Variants in CUX1 observed in about 807,000 individuals in gnomAD.
CUX1 encodes protein CASP.
CUX1 carries 31 observed loss-of-function variants against 158.8 expected under a neutral mutation model. The ratio of observed to expected loss-of-function variants is 0.20; its 90% CI spans 0.15 to 0.26. The LOEUF is 0.26. Ranked by LOEUF, CUX1 falls within the 10% of genes least tolerant of loss-of-function variation. The probability of loss-of-function intolerance (pLI) is 1.00; values close to 1 mark genes in which losing one functional copy is unlikely to be tolerated. For missense variants in CUX1, 1,589 were observed against 2,014.6 expected, an observed-to-expected ratio of 0.79 and a Z score of 4.04; for synonymous variants, 879 against 862.1, an observed-to-expected ratio of 1.02 and a Z score of -0.34.
intron 17 of CUX1, among the ~76,000 whole-genome samples, chr7:102,277,753 C>T (rs1791708593): frequency 6.6e-6 from 1 of 152,174 alleles, no homozygotes; most frequent in Non-Finnish European, 1.5e-5. Context: ...CAACGTGATA[C>T]ATATGAAGAA....
At chr7:101,974,791 G>A (rs192174072) in intron 2 of CUX1, among the ~76,000 whole-genome samples, 22 of 152,244 alleles carry the variant, frequency 1.4e-4, no homozygotes, top group African/African-American at 4.6e-4. Flanking sequence ...TTATTTGTGC[G>A]TTGTATGTAT....
intron 2 of CUX1, among the ~76,000 whole-genome samples, chr7:102,018,190 G>GCCTCAAGCAATCCTCCTGT (rs942963527): frequency 1.3e-5 from 2 of 152,080 alleles, no homozygotes; most frequent in Non-Finnish European, 2.9e-5. Flanking sequence ...TGAACTCCTG[G>GCCTCAAGCAATCCTCCTGT]CCTCAAGCAA....
intron 8 of CUX1, among the ~76,000 whole-genome samples, chr7:102,148,196 A>C (rs532728924): frequency 1.3e-5 from 2 of 152,250 alleles, no homozygotes; most frequent in South Asian, 4.1e-4. Flanking sequence ...AGGAGGGCTG[A>C]GACCCAGGCC....
intron 1 of CUX1, among the ~76,000 whole-genome samples, chr7:101,820,556 T>G (rs573319424): frequency 1.0e-3 from 158 of 152,322 alleles, no homozygotes; most frequent in African/African-American, 3.6e-3. Context: ...CTTTAAAAAA[T>G]GTAATTGCTC....
intron 3 of CUX1, among the ~76,000 whole-genome samples, chr7:102,064,741 G>A (rs1240512003): frequency 6.6e-6 from 1 of 152,134 alleles, no homozygotes; most frequent in African/African-American, 2.4e-5. Flanking sequence ...CCCTTGCCAG[G>A]GTAGGTCAGT....
intron 3 of CUX1, among the ~76,000 whole-genome samples, chr7:102,062,365 G>T (rs1824986498): frequency 1.3e-5 from 2 of 152,098 alleles, no homozygotes; most frequent in Non-Finnish European, 2.9e-5. Flanking sequence ...GCACTCACAT[G>T]GTTGGGCACT....
chr7:102,080,388 A>G (rs1384303153), intron 4 of CUX1, among the ~76,000 whole-genome samples: 1 of 152,006 alleles, frequency 6.6e-6, no homozygotes, highest in Non-Finnish European at 1.5e-5. Context: ...ATTCCAGTTG[A>G]TTTTCTTAAT....
chr7:102,120,120 TGCA>T (rs1831877679), intron 8 of CUX1, among the ~76,000 whole-genome samples: 1 of 152,222 alleles, frequency 6.6e-6, no homozygotes, highest in African/African-American at 2.4e-5. Context: ...ATCCGTCTCC[TGCA>T]GCTGTTCACT....
At chr7:102,208,728 G>T (rs1190038521) in intron 20 of CUX1, among the ~76,000 whole-genome samples, 2 of 152,160 alleles carry the variant, frequency 1.3e-5, no homozygotes, top group Admixed American at 6.5e-5. Context: ...CCGATTCCCT[G>T]TTCTTCCCAT....
chr7:102,068,531 G>A (rs1412264799), intron 3 of CUX1, among the ~76,000 whole-genome samples: 1 of 152,154 alleles, frequency 6.6e-6, no homozygotes, highest in African/African-American at 2.4e-5. Flanking sequence ...GGAAATGCTT[G>A]CATTGCGCTA....
chr7:101,836,514 C>G (rs1298983278), intron 1 of CUX1, among the ~76,000 whole-genome samples: 1 of 151,906 alleles, frequency 6.6e-6, no homozygotes, highest in East Asian at 1.9e-4. Context: ...ACAAGGGACC[C>G]CCTTCACTGG....
chr7:101,958,702 A>G (rs552687206), intron 2 of CUX1, among the ~76,000 whole-genome samples: 4 of 149,178 alleles, frequency 2.7e-5, no homozygotes, highest in African/African-American at 9.9e-5. Flanking sequence ...CTGGTCTCAA[A>G]CTCCTGGGCT....
rs1795392943 is a variant in CUX1 at position 102,201,161 on chromosome 7, A to C, written c.2063-199A>C. Among the ~76,000 whole-genome samples the C allele has an allele frequency of 6.6e-6, 1 of 151,902 alleles. No homozygotes were observed. Among genetic ancestry groups the C allele is most frequent in the Non-Finnish European group, 1.5e-5 (1 of 67,990 alleles). On this transcript the variant is annotated intron_variant, in intron 17 of 23. Coordinates refer to ENST00000292535, the MANE Select transcript of CUX1 (RefSeq NM_181552.4). This position sits in a 1 kb window ranked among gnomAD's most constrained non-coding sequence, Gnocchi z 5.0. ...GTATACCAAAGGCCACCAGGTCATC[A>C]AGCTGTAGTGTCAGGCCCTGGTCCT...
chr7:102,118,628 C>T (rs535197313), intron 8 of CUX1, among the ~76,000 whole-genome samples: 53 of 152,178 alleles, frequency 3.5e-4, no homozygotes, highest in Non-Finnish European at 7.2e-4. Flanking sequence ...GGGATTGATT[C>T]ACTAGGGTCC....
chr7:102,129,441 T>G (rs1487999683), intron 8 of CUX1, among the ~76,000 whole-genome samples: 1 of 152,132 alleles, frequency 6.6e-6, no homozygotes, highest in Admixed American at 6.6e-5. Flanking sequence ...CCCAGCACTT[T>G]GGGAGGCCAA....
intron 4 of CUX1, among the ~76,000 whole-genome samples, chr7:102,093,736 T>C (rs1828897373): frequency 6.6e-6 from 1 of 152,238 alleles, no homozygotes; most frequent in Non-Finnish European, 1.5e-5. Flanking sequence ...TAACAAGCTA[T>C]ATAATACCTC....
At chr7:102,281,909 C>G in exon 21 of CUX1, 1 of 1,610,630 alleles carries the variant, frequency 6.2e-7, no homozygotes, top group East Asian at 2.2e-5. Flanking sequence ...CCTGCACTGC[C>G]TGGTCTTCCT....
At chr7:101,829,886 T>C (rs1216102255) in intron 1 of CUX1, among the ~76,000 whole-genome samples, 1 of 148,954 alleles carries the variant, frequency 6.7e-6, no homozygotes, top group Non-Finnish European at 1.5e-5. Context: ...CCTGTTGCAT[T>C]ACTCACTATC....
At chr7:102,189,030 A>G (rs1793973924) in intron 11 of CUX1, among the ~76,000 whole-genome samples, 1 of 152,050 alleles carries the variant, frequency 6.6e-6, no homozygotes, top group Admixed American at 6.6e-5. Context: ...GAAGCCACCA[A>G]GCACTCGACT....
Sources: allele counts gnomAD v4.1 joint callset (sites outside exome capture counted in the v4.1 genomes callset), GRCh38; gene constraint gnomAD v4.1.1; non-coding constraint Gnocchi (gnomAD v3.1); transcripts MANE v1.5; gene names NCBI Gene and HGNC (gene_info 2026-07-23, HGNC 2026-07-21).